Variants in POU1F1 observed in about 807,000 individuals in gnomAD.
POU1F1 encodes POU class 1 homeobox 1.
In POU1F1, 23 loss-of-function variants were observed where a neutral mutation model predicts 32.3. The observed-to-expected ratio is 0.71, with a 90% CI of 0.51 to 1.01. The LOEUF is 1.01. Ranked by LOEUF, POU1F1 falls within the 50% of genes least tolerant of loss-of-function variation. The pLI is 0.00. For missense variants in POU1F1, 323 were observed against 341.6 expected (o/e 0.95, Z 0.43); for synonymous variants, 120 against 115.6 (o/e 1.04, Z -0.25).
At chr3:87,260,277 A>G (rs760735146) in intron 5 of POU1F1, among the ~76,000 whole-genome samples, 173 bp from the exon 6 acceptor site, 33 of 152,322 alleles carry the variant, frequency 2.2e-4, no homozygotes, top group Middle Eastern at 6.8e-3. Flanking sequence ...TGTGTTAAAT[A>G]TGTAGATATT....
intron 1 of POU1F1, 65 bp downstream of exon 1, chr3:87,276,256 A>G: frequency 4.8e-5 from 74 of 1,545,336 alleles, no homozygotes; most frequent in Non-Finnish European, 6.6e-5. Flanking sequence ...AACTATCAAG[A>G]TTCAAAGCAT....
rs150009237 is a variant in POU1F1, at chr3:87,268,436, C to A, written c.215-3924G>T. ...TTCATTTTTCATTGCATGAAAGTAT[C>A]TACAATTATCTGCAAGGTCACAGAT... On this transcript the variant is annotated intron_variant, in intron 2 of 5. Transcript: ENST00000350375. Among the ~76,000 whole-genome samples, 1,224 of 152,036 alleles carry A rather than the reference C, an allele frequency of 8.1e-3. 10 individuals carry two copies. Among genetic ancestry groups the A allele is most frequent in the Non-Finnish European group, 0.014 (938 of 67,970 alleles).
Position 87,262,118 on chromosome 3 carries a change from A to G in POU1F1, c.557T>C (p.Leu186Pro). ...LQLSFKNACK[L>P]KAILSKWLEE... is the part of the protein sequence containing the mutation. ...CAGCCATTTGGATAATATTGCTTTC[A>G]GTTTGCATGCATTTTTAAAGCTGAG... The change falls in exon 4 of 6, where the codon CTG (leucine) becomes CCG (proline). Residue 186 changes from leucine (L) to proline (P), a missense_variant. Coordinates refer to ENST00000350375, the MANE Select transcript of POU1F1 (RefSeq NM_000306.4). The G allele has an allele frequency of 1.2e-6, 2 of 1,614,084 alleles. No homozygotes were observed. The highest frequency in any genetic ancestry group is 1.7e-6 in the Non-Finnish European group (2 of 1,179,976).
chr3:87,276,068 A>T (rs903460112), intron 1 of POU1F1, among the ~76,000 whole-genome samples: 35 of 152,144 alleles, frequency 2.3e-4, no homozygotes, highest in African/African-American at 8.4e-4. Context: ...TTCTTTTCTT[A>T]TGTAGAAAAC....
intron 1 of POU1F1, among the ~76,000 whole-genome samples, chr3:87,275,177 C>T (rs1706802247): frequency 6.6e-6 from 1 of 151,964 alleles, no homozygotes; most frequent in Admixed American, 6.6e-5. Flanking sequence ...TTGGAGGATA[C>T]TTCCTGTATT....
At position 87,262,073 on chromosome 3, in the gene POU1F1, C is replaced by A; in HGVS notation, c.602G>T (p.Gly201Val). ...CCTTCAGAGACACAATTTAGTACCT[C>A]CTACTTGCTCAGCTTCCTCCAGCCA... ...SKWLEEAEQV[G>V]ALYNEKVGAN... The change falls in exon 4 of 6, where the codon GGA becomes GTA. Residue 201 changes from glycine (G) to valine (V), a missense_variant and splice_region_variant. Physicochemically the swap from Gly to Val is moderately radical, Grantham distance 109. Coordinates refer to ENST00000350375, the MANE Select transcript of POU1F1 (RefSeq NM_000306.4). 6.2e-7 allele frequency: 1 copy of A among 1,614,070 alleles called. No individual in the cohort carries two copies. The highest frequency in any genetic ancestry group is 2.2e-5 in the East Asian group (1 of 44,874).
At chr3:87,272,079 G>GT (rs199977557) in intron 2 of POU1F1, among the ~76,000 whole-genome samples, 5,921 of 143,914 alleles carry the variant, frequency 0.041, 153 homozygotes, top group African/African-American at 0.075. Flanking sequence ...TTTGTCTGCG[G>GT]TTTTTTTTTT....
intron 1 of POU1F1, among the ~76,000 whole-genome samples, chr3:87,274,785 T>C (rs966313254): frequency 6.6e-6 from 1 of 151,622 alleles, no homozygotes; most frequent in African/African-American, 2.4e-5. Flanking sequence ...AATGCTATTA[T>C]CATTTAAAAC....
In POU1F1 at chr3:87,259,594, C is replaced by G; in HGVS notation, c.*300G>C. 1 of 334,640 alleles carries G rather than the reference C, an allele frequency of 3.0e-6. No homozygotes were observed. The highest frequency in any genetic ancestry group is 5.5e-6 in the Non-Finnish European group (1 of 183,158). 20.7% of individuals were successfully genotyped at this position (334,640 alleles called of 1,614,324 possible). On this transcript the variant is annotated 3_prime_UTR_variant, in exon 6 of 6. Transcript: ENST00000350375. ...TGGAAAAGGAACTTATAAACCCATA[C>G]TCATATGTCTGCGTGTGTGTGAGAA...
chr3:87,262,345 T>A (rs188667289), intron 3 of POU1F1, 110 bp from the exon 4 acceptor site: 14 of 1,207,510 alleles, frequency 1.2e-5, no homozygotes, highest in Non-Finnish European at 1.7e-5. Context: ...CACTATTTTT[T>A]AACTATATAT....
chr3:87,259,995 T>C lies in POU1F1; in HGVS notation c.775A>G (p.Arg259Gly), dbSNP rs746947103. Residue 259 changes from arginine to glycine, a missense_variant, in exon 6 of 6, where the codon AGA becomes GGA. By Grantham distance (125) the Arg-to-Gly change is moderately radical. Transcript: ENST00000350375. ...EELNLEKEVV[R>G]VWFCNRRQRE... The stretch of plus-strand genomic sequence containing the variant: ...TGCCTCCGGTTGCAAAACCAAACTC[T>C]TACTACTTCTTTCTCCAGATTCAGT... 1 of 1,614,150 alleles carries C rather than the reference T, an allele frequency of 6.2e-7. No homozygotes were observed. Among genetic ancestry groups the C allele is most frequent in the East Asian group, 2.2e-5 (1 of 44,860 alleles).
rs928297178 is a variant in POU1F1, at chr3:87,269,547, G to GA, written c.214+3799dup. Among the ~76,000 whole-genome samples, 252 of 151,194 alleles carry GA rather than the reference G, an allele frequency of 1.7e-3. 3 individuals are homozygous for GA. Among genetic ancestry groups the GA allele is most frequent in the South Asian group, 7.3e-3 (35 of 4,778 alleles). On this transcript the variant is annotated intron_variant, in intron 2 of 5. Transcript: ENST00000350375. ...GAACTAAACAAAAGAAGTAAATTAA[G>GA]AAAAAAAAATTTCAAATTTCAAAAA...
At chr3:87,268,987 A>T (rs1197882391) in intron 2 of POU1F1, among the ~76,000 whole-genome samples, 2 of 152,150 alleles carry the variant, frequency 1.3e-5, no homozygotes, top group Non-Finnish European at 2.9e-5. Flanking sequence ...TTAGCTGACA[A>T]CATCATCTCA....
At position 87,264,225 on chromosome 3, in the gene POU1F1, T is replaced by C. The variant is rs4988461; in HGVS notation, c.439+63A>G. ...GTACTTTTTAGCAATATATAAGAGA[T>C]TTAACAGCAATAAAGATTTGCAAAC... On this transcript the variant is annotated intron_variant, in intron 3 of 5. Coordinates refer to ENST00000350375, the MANE Select transcript of POU1F1 (RefSeq NM_000306.4). 1,548 of 1,301,838 alleles carry C rather than the reference T, an allele frequency of 1.2e-3. 1 individual carries two copies. Among genetic ancestry groups the C allele is most frequent in the Non-Finnish European group, 1.6e-3 (1,451 of 898,464 alleles). 80.6% of individuals were successfully genotyped at this position (1,301,838 alleles called of 1,614,324 possible).
At position 87,261,920 on chromosome 3, in the gene POU1F1, G is replaced by C. The variant is rs930781670; in HGVS notation, c.604+151C>G. On this transcript the variant is annotated intron_variant, in intron 4 of 5. Transcript: ENST00000350375. Reference sequence around the variant, plus strand: ...CCTTCCTTTTTTGTTGTTTGTTTTAGTGTGATATAACAAAATGTTTATTTT... The same window carrying C: ...CCTTCCTTTTTTGTTGTTTGTTTTACTGTGATATAACAAAATGTTTATTTT... The C allele has an allele frequency of 3.5e-6, 3 of 866,566 alleles. No individual in the cohort carries two copies. The African/African-American group carries it at 5.1e-5, about 15-fold the overall frequency. 53.7% of individuals were successfully genotyped at this position (866,566 alleles called of 1,614,324 possible).
chr3:87,265,558 A>G (rs1263076119), intron 2 of POU1F1, among the ~76,000 whole-genome samples: 4 of 152,032 alleles, frequency 2.6e-5, no homozygotes, highest in South Asian at 2.1e-4. Flanking sequence ...TTCAATTTAT[A>G]TTAAATGACA....
In POU1F1 at chr3:87,264,427, C is replaced by T; in HGVS notation, c.300G>A (p.Glu100=). The part of the protein sequence containing the change: ...FPPIHQPLLA[E]DPTAADFKQE... The stretch of plus-strand genomic sequence containing the variant: ...GCTTGAAATCAGCAGCTGTGGGGTC[C>T]TCTGCCAGAAGAGGCTGGTGTATAG... Residue 100 remains glutamate, a synonymous_variant, in exon 3 of 6, where the codon GAG becomes GAA. Transcript: ENST00000350375. The T allele has an allele frequency of 6.2e-7, 1 of 1,613,688 alleles. No homozygotes were observed.
In POU1F1 at chr3:87,264,399, C is replaced by T. The variant is rs867340740; in HGVS notation, c.328G>A (p.Glu110Lys). The T allele has an allele frequency of 3.7e-6, 6 of 1,613,736 alleles. No individual in the cohort carries two copies. The highest frequency in any genetic ancestry group is 1.1e-5 in the South Asian group (1 of 91,072). Residue 110 changes from glutamate to lysine, a missense_variant, in exon 3 of 6, where the codon GAA (glutamate) becomes AAA (lysine). By Grantham distance (56) the Glu-to-Lys change is moderately conservative. Transcript: ENST00000350375. ...EDPTAADFKQ[E>K]LRRKSKLVEE... is the part of the protein sequence containing the mutation. The stretch of plus-strand genomic sequence containing the variant: ...ACCAATTTACTTTTCCGCCTGAGTT[C>T]CTGCTTGAAATCAGCAGCTGTGGGG...
chr3:87,273,459 A>C (rs749431428), intron 1 of POU1F1, 41 bp from the exon 2 acceptor site: 20 of 1,611,100 alleles, frequency 1.2e-5, no homozygotes, highest in Non-Finnish European at 1.7e-5. Context: ...GTGTGCACAA[A>C]CATTTAGGAG....
Sources: allele counts gnomAD v4.1 joint callset (sites outside exome capture counted in the v4.1 genomes callset), GRCh38; gene constraint gnomAD v4.1.1; transcripts MANE v1.5; gene names NCBI Gene and HGNC (gene_info 2026-07-23, HGNC 2026-07-21).